The following PGCKA1 variants were observed in gnomAD, a reference collection of about 807,000 sequenced individuals.
PGCKA1 encodes PDCD10 and GCKIII kinases associated 1.
the PGCKA1 span, chr4:37,460,941 T>C: frequency 2.7e-6 from 1 of 377,322 alleles, no homozygotes; most frequent in Non-Finnish European, 5.1e-6. Flanking sequence ...ATTGCCTAGA[T>C]TCTCTTCTGG....
At chr4:37,516,718 G>A in the PGCKA1 span, among the ~76,000 whole-genome samples, 2 of 152,114 alleles carry the variant, frequency 1.3e-5, no homozygotes, top group East Asian at 3.8e-4. Context: ...AATTTATAAA[G>A]TTCCATGCAT....
the PGCKA1 span, among the ~76,000 whole-genome samples, chr4:37,576,998 G>C: frequency 6.6e-6 from 1 of 152,010 alleles, no homozygotes; most frequent in African/African-American, 2.4e-5. Context: ...ATTTTATTTA[G>C]GATTTTTGCA....
At chr4:37,545,753 A>G in the PGCKA1 span, among the ~76,000 whole-genome samples, 2 of 152,202 alleles carry the variant, frequency 1.3e-5, no homozygotes, top group Non-Finnish European at 2.9e-5. Flanking sequence ...TGATAACTTC[A>G]GGATCTCTGA....
the PGCKA1 span, among the ~76,000 whole-genome samples, chr4:37,512,878 C>T: frequency 1.1e-4 from 17 of 151,994 alleles, no homozygotes; most frequent in Non-Finnish European, 2.1e-4. Context: ...CACCTGAGGT[C>T]GGGAGTTCGA....
chr4:37,519,186 A>T, the PGCKA1 span, among the ~76,000 whole-genome samples: 1 of 152,166 alleles, frequency 6.6e-6, no homozygotes, highest in Non-Finnish European at 1.5e-5. Flanking sequence ...GTATAACTTG[A>T]AGACAGGGAA....
the PGCKA1 span, among the ~76,000 whole-genome samples, chr4:37,542,270 G>A: frequency 2.6e-5 from 4 of 152,158 alleles, no homozygotes; most frequent in South Asian, 2.1e-4. Flanking sequence ...AAGACTCACC[G>A]ACTTTTGGTC....
At chr4:37,576,530 G>C in the PGCKA1 span, among the ~76,000 whole-genome samples, 19,881 of 151,996 alleles carry the variant, frequency 0.13, 4,116 homozygotes, top group African/African-American at 0.44. Flanking sequence ...AGCAGACAAA[G>C]GTAATTTGAC....
the PGCKA1 span, among the ~76,000 whole-genome samples, chr4:37,559,793 T>C: frequency 6.6e-6 from 1 of 152,070 alleles, no homozygotes; most frequent in African/African-American, 2.4e-5. Context: ...ACCATTTCCA[T>C]CTTTGTCCGA....
chr4:37,564,568 G>A, the PGCKA1 span, among the ~76,000 whole-genome samples: 15 of 151,856 alleles, frequency 9.9e-5, no homozygotes, highest in African/African-American at 2.2e-4. Context: ...GTGCAGTGGC[G>A]CGATCTTGGC....
chr4:37,500,812 G>A, the PGCKA1 span, among the ~76,000 whole-genome samples: 1 of 152,184 alleles, frequency 6.6e-6, no homozygotes, highest in Admixed American at 6.5e-5. Flanking sequence ...CCGATGTTGT[G>A]TGTCCATATA....
the PGCKA1 span, among the ~76,000 whole-genome samples, chr4:37,562,171 T>C: frequency 0.49 from 74,293 of 151,988 alleles, 18,703 homozygotes; most frequent in East Asian, 0.67. Flanking sequence ...TCTGCACATG[T>C]CCAGGAATGG....
At chr4:37,572,048 C>CTTTTTTTTCTTTTTCTTTTTTTTTT in the PGCKA1 span, among the ~76,000 whole-genome samples, 3 of 111,630 alleles carry the variant, frequency 2.7e-5, no homozygotes, top group Non-Finnish European at 3.6e-5. Flanking sequence ...AACTTCACAC[C>CTTTTTTTTCTTTTTCTTTTTTTTTT]TTTTTTTTTT....
At chr4:37,518,013 T>A in the PGCKA1 span, among the ~76,000 whole-genome samples, 1 of 152,240 alleles carries the variant, frequency 6.6e-6, no homozygotes. Context: ...GAACATGTGA[T>A]GTCTGTCTTT....
the PGCKA1 span, among the ~76,000 whole-genome samples, chr4:37,483,020 G>A: frequency 8.5e-5 from 13 of 152,206 alleles, no homozygotes; most frequent in African/African-American, 2.7e-4. Context: ...ATCCCGAATT[G>A]TAGTTCCCAT....
At chr4:37,562,863 G>A in the PGCKA1 span, among the ~76,000 whole-genome samples, 1 of 152,168 alleles carries the variant, frequency 6.6e-6, no homozygotes, top group Admixed American at 6.5e-5. Context: ...TTGCCTGAAT[G>A]GTTGGTGAGT....
At chr4:37,467,969 C>T in the PGCKA1 span, among the ~76,000 whole-genome samples, 1 of 152,190 alleles carries the variant, frequency 6.6e-6, no homozygotes, top group Non-Finnish European at 1.5e-5. Context: ...CTCATGTTCT[C>T]TCTCTGTCTT....
At chr4:37,529,477 A>T in the PGCKA1 span, among the ~76,000 whole-genome samples, 38 of 152,180 alleles carry the variant, frequency 2.5e-4, no homozygotes, top group Non-Finnish European at 1.0e-4. Flanking sequence ...GCAACTCAGT[A>T]TGTGATGAAA....
the PGCKA1 span, among the ~76,000 whole-genome samples, chr4:37,561,215 CCT>C: frequency 5.2e-3 from 787 of 152,296 alleles, 4 homozygotes; most frequent in African/African-American, 0.017. Context: ...TTCCCTCCTT[CCT>C]CTCTGAGCAT....
At chr4:37,527,761 C>T in the PGCKA1 span, among the ~76,000 whole-genome samples, 1 of 150,790 alleles carries the variant, frequency 6.6e-6, no homozygotes, top group Non-Finnish European at 1.5e-5. Context: ...ACCCAGGAGG[C>T]GGAGCTTGCA....
Sources: gnomAD v4.1 joint callset for allele counts (sites outside exome capture counted in the v4.1 genomes callset) on GRCh38, gnomAD v4.1.1 for gene constraint, MANE v1.5 for transcripts, NCBI Gene and HGNC (gene_info 2026-07-23, HGNC 2026-07-21) for gene names.